The following CSRNP3 variants were observed in gnomAD, a reference collection of about 807,000 sequenced individuals.
CSRNP3 encodes the protein cysteine/serine-rich nuclear protein 3.
CSRNP3 carries 12 observed loss-of-function variants against 48.0 expected under a neutral mutation model. That is an observed-to-expected ratio of 0.25 (90% CI 0.16 to 0.41). The LOEUF is 0.41. Ranked by LOEUF, CSRNP3 falls within the 10% of genes least tolerant of loss-of-function variation. CSRNP3 has a pLI of 1.00. For synonymous variants in CSRNP3, 263 were observed against 269.7 expected (o/e 0.98, Z 0.24); for missense variants, 580 against 724.4 (o/e 0.80, Z 2.29).
intron 3 of CSRNP3, among the ~76,000 whole-genome samples, chr2:165,530,418 A>T (rs1452855286): frequency 2.0e-5 from 3 of 152,148 alleles, no homozygotes; most frequent in African/African-American, 7.2e-5. Context: ...TTCCAGATGA[A>T]GAATGCAGAA....
intron 3 of CSRNP3, among the ~76,000 whole-genome samples, chr2:165,520,967 G>A (rs1000641846): frequency 6.6e-6 from 1 of 150,772 alleles, no homozygotes; most frequent in African/African-American, 2.4e-5. Context: ...GAGACTATAG[G>A]CATGCACTAC....
At chr2:165,478,622 T>C (rs1417633523) in intron 1 of CSRNP3, among the ~76,000 whole-genome samples, 1 of 152,232 alleles carries the variant, frequency 6.6e-6, no homozygotes, top group Non-Finnish European at 1.5e-5. Context: ...ATTTCTTGAA[T>C]CTTTAAATAA....
intron 2 of CSRNP3, among the ~76,000 whole-genome samples, chr2:165,506,998 G>T (rs1291681526): frequency 1.3e-5 from 2 of 151,824 alleles, no homozygotes; most frequent in Non-Finnish European, 1.5e-5. Flanking sequence ...CTTTGATCTC[G>T]TAGTTCATAA....
chr2:165,569,548 CAT>C, intron 3 of CSRNP3, among the ~76,000 whole-genome samples: 1 of 152,126 alleles, frequency 6.6e-6, no homozygotes, highest in Non-Finnish European at 1.5e-5. Context: ...TAAGAGTTGA[CAT>C]AATTTTTTTC....
intron 1 of CSRNP3, among the ~76,000 whole-genome samples, chr2:165,476,820 A>C (rs957241741): frequency 6.6e-6 from 1 of 152,232 alleles, no homozygotes; most frequent in Non-Finnish European, 1.5e-5. Flanking sequence ...GCAGGTGTAC[A>C]TAGAGGACTT....
At chr2:165,661,174 C>G (rs1687091283) in intron 5 of CSRNP3, among the ~76,000 whole-genome samples, 1 of 152,156 alleles carries the variant, frequency 6.6e-6, no homozygotes, top group South Asian at 2.1e-4. Context: ...CTTGAAATTT[C>G]ACTTTTAATG....
At chr2:165,627,523 CT>C (rs1686457609) in intron 4 of CSRNP3, among the ~76,000 whole-genome samples, 1 of 152,098 alleles carries the variant, frequency 6.6e-6, no homozygotes, top group Non-Finnish European at 1.5e-5. Flanking sequence ...TAGAGATAGC[CT>C]TTTCTGCCTC....
intron 3 of CSRNP3, among the ~76,000 whole-genome samples, chr2:165,587,166 T>C (rs1055623894): frequency 1.3e-5 from 2 of 152,228 alleles, no homozygotes; most frequent in Non-Finnish European, 2.9e-5. Flanking sequence ...ACAAATCATA[T>C]ATGTTAGTGA....
chr2:165,648,590 C>T (rs1357675481), intron 4 of CSRNP3, among the ~76,000 whole-genome samples: 2 of 152,044 alleles, frequency 1.3e-5, no homozygotes, highest in African/African-American at 4.8e-5. Context: ...AAGTTTATAA[C>T]TTTAAAATAT....
chr2:165,589,228 A>G (rs1263608266), intron 3 of CSRNP3, among the ~76,000 whole-genome samples: 1 of 152,162 alleles, frequency 6.6e-6, no homozygotes, highest in Non-Finnish European at 1.5e-5. Flanking sequence ...TTCTCACTAA[A>G]TCCTTATATT....
intron 4 of CSRNP3, among the ~76,000 whole-genome samples, chr2:165,624,039 A>G (rs1347069788): frequency 6.6e-6 from 1 of 152,108 alleles, no homozygotes; most frequent in Non-Finnish European, 1.5e-5. Context: ...AACCAACAAC[A>G]AAAGAGTCCT....
chr2:165,611,042 T>C (rs1450506219), intron 4 of CSRNP3, among the ~76,000 whole-genome samples: 1 of 152,190 alleles, frequency 6.6e-6, no homozygotes. Context: ...TGGAAATTTT[T>C]CTGGAACATT....
Position 165,554,906 on chromosome 2 carries a change from A to G in CSRNP3, c.-24+36945A>G, listed in dbSNP as rs943890121. On this transcript the variant is annotated intron_variant, in intron 3 of 6. Transcript: ENST00000651982. ...GTCTGCTGATTTTCTCACTTCCCCG[A>G]TCACATCACCCACATCTGACTTCAT... Among the ~76,000 whole-genome samples the G allele has an allele frequency of 2.6e-5, 4 of 152,130 alleles. No homozygotes were observed. The East Asian group carries it at 7.7e-4, about 29-fold the overall frequency.
intron 3 of CSRNP3, among the ~76,000 whole-genome samples, chr2:165,533,817 T>G (rs1273423600): frequency 2.0e-5 from 3 of 152,080 alleles, no homozygotes; most frequent in Non-Finnish European, 4.4e-5. Context: ...ACGGGACTAG[T>G]AAGAGTATTA....
chr2:165,657,991 G>A lies in CSRNP3; in HGVS notation c.379G>A (p.Glu127Lys). The A allele has an allele frequency of 1.9e-6, 3 of 1,613,610 alleles. No homozygotes were observed. The South Asian group carries it at 3.3e-5, about 18-fold the overall frequency. ...GGAGATGTTGAGAGAACACCTTAGG[G>A]AGGAAAAGCTGAACTCCTTAAAACT... is the stretch of plus-strand genomic sequence containing the variant. ...HREMLREHLR[E>K]EKLNSLKLKM... Residue 127 changes from glutamate to lysine, a missense_variant, in exon 5 of 7, where the codon GAG (glutamate) becomes AAG (lysine). This residue lies in a region of CSRNP3 where 62 missense variants were observed against 66.4 expected (regional missense o/e 0.93). Transcript: ENST00000651982.
intron 4 of CSRNP3, among the ~76,000 whole-genome samples, chr2:165,631,649 C>A (rs1686538541): frequency 6.6e-6 from 1 of 152,164 alleles, no homozygotes; most frequent in African/African-American, 2.4e-5. Context: ...TTACACAGAT[C>A]AGTAAGTAAA....
intron 4 of CSRNP3, among the ~76,000 whole-genome samples, chr2:165,647,655 A>T (rs1019903849): frequency 6.6e-6 from 1 of 152,176 alleles, no homozygotes; most frequent in African/African-American, 2.4e-5. Context: ...TTGATTTTAC[A>T]ATGGTGAGAG....
At chr2:165,499,838 G>C (rs1408150411) in intron 2 of CSRNP3, among the ~76,000 whole-genome samples, 4 of 151,898 alleles carry the variant, frequency 2.6e-5, no homozygotes, top group Non-Finnish European at 5.9e-5. Flanking sequence ...TATTTGCAGT[G>C]AGTTAAAATT....
chr2:165,616,687 CCTAT>C (rs1361595111), intron 4 of CSRNP3, among the ~76,000 whole-genome samples: 10 of 152,050 alleles, frequency 6.6e-5, no homozygotes, highest in African/African-American at 2.4e-4. Context: ...TTAAAAATTA[CCTAT>C]CTTTGACTTT....
Sources: gnomAD v4.1 joint callset for allele counts (sites outside exome capture counted in the v4.1 genomes callset) on GRCh38, gnomAD v4.1.1 for gene constraint, gnomAD v4.1.1 regional missense constraint, MANE v1.5 for transcripts, NCBI Gene and HGNC (gene_info 2026-07-23, HGNC 2026-07-21) for gene names.